TMEM106B: variants seen among roughly 807,000 people sequenced by gnomAD.
TMEM106B encodes the protein transmembrane protein 106B.
In TMEM106B, 15 loss-of-function variants were observed where a neutral mutation model predicts 31.1. That is an observed-to-expected ratio of 0.48 (90% CI 0.32 to 0.74). TMEM106B has a LOEUF of 0.74. Ranked by LOEUF, TMEM106B falls within the 30% of genes least tolerant of loss-of-function variation. TMEM106B has a pLI of 0.03. For missense variants in TMEM106B, 283 were observed against 327.3 expected, an observed-to-expected ratio of 0.86 and a Z score of 1.04; for synonymous variants, 126 against 112.5, an observed-to-expected ratio of 1.12 and a Z score of -0.76.
intron 4 of TMEM106B, among the ~76,000 whole-genome samples, chr7:12,228,482 A>G (rs1450814356): frequency 6.6e-6 from 1 of 151,896 alleles, no homozygotes; most frequent in East Asian, 1.9e-4. Flanking sequence ...TGATGGCTTC[A>G]TAATATTCCA....
At chr7:12,221,299 C>T (rs1393417015) in intron 3 of TMEM106B, among the ~76,000 whole-genome samples, 3 of 152,038 alleles carry the variant, frequency 2.0e-5, no homozygotes, top group Non-Finnish European at 4.4e-5. Flanking sequence ...AGTTGTGTTC[C>T]AAATGGCAAA....
intron 3 of TMEM106B, among the ~76,000 whole-genome samples, chr7:12,223,987 G>C (rs113404588): frequency 6.6e-6 from 1 of 151,994 alleles, no homozygotes; most frequent in Non-Finnish European, 1.5e-5. Flanking sequence ...TCAAAGTGCT[G>C]GGATTACAGG....
chr7:12,216,935 A>G (rs1031379447), intron 2 of TMEM106B, among the ~76,000 whole-genome samples: 2 of 152,172 alleles, frequency 1.3e-5, no homozygotes, highest in African/African-American at 4.8e-5. Flanking sequence ...GAGATGTTAC[A>G]TAGAGAGAAA....
intron 4 of TMEM106B, among the ~76,000 whole-genome samples, chr7:12,226,133 C>A (rs954191148): frequency 2.3e-5 from 2 of 88,736 alleles, no homozygotes; most frequent in African/African-American, 1.4e-4. Context: ...ATAGGGAATC[C>A]TTTCCCCATT....
chr7:12,220,746 T>G (rs533410376), intron 3 of TMEM106B, among the ~76,000 whole-genome samples: 1 of 152,278 alleles, frequency 6.6e-6, no homozygotes, highest in South Asian at 2.1e-4. Context: ...TTTGAAAAAT[T>G]TATTCTCAGG....
Position 12,241,478 on chromosome 7 carries a change from A to G in TMEM106B, c.*9503A>G, listed in dbSNP as rs991444768. The G allele has an allele frequency of 2.0e-5, 3 of 151,526 alleles. No homozygotes were observed. Among genetic ancestry groups the G allele is most frequent in the Middle Eastern group, 3.4e-3 (1 of 292 alleles). 9.4% of individuals were successfully genotyped at this position (151,526 alleles called of 1,614,324 possible). ...CATCTGTTCTCATTGTTCAACTCCC[A>G]CTTATGAGTGGCAACATGTGCTGTT... On this transcript the variant is annotated 3_prime_UTR_variant, in exon 8 of 8. Transcript: ENST00000396668.
In TMEM106B at chr7:12,229,966, C is replaced by T. The variant is rs1781984804; in HGVS notation, c.582+147C>T. 1.6e-5 allele frequency: 15 copies of T among 925,000 alleles called. No homozygotes were observed. In the South Asian group the frequency reaches 2.4e-4, roughly 15 times the overall value. 57.3% of individuals were successfully genotyped at this position (925,000 alleles called of 1,614,324 possible). A position where few individuals can be genotyped will look rare whatever the true frequency, so the allele number is the denominator to read the frequency against. Reference sequence around the variant, plus strand: ...GTACAGTGGCTCATGCCTGTGATCCCCGCACCTTGGGAGGCTGAGCTCAGT... The same window carrying T: ...GTACAGTGGCTCATGCCTGTGATCCTCGCACCTTGGGAGGCTGAGCTCAGT... On this transcript the variant is annotated intron_variant, in intron 5 of 7. Coordinates refer to ENST00000396668, the MANE Select transcript of TMEM106B (RefSeq NM_001134232.2).
Position 12,232,207 on chromosome 7 carries a change from T to C in TMEM106B, c.*232T>C. On this transcript the variant is annotated 3_prime_UTR_variant, in exon 8 of 8. Coordinates refer to ENST00000396668, the MANE Select transcript of TMEM106B (RefSeq NM_001134232.2). ...AATCTAAATTTACTGGTTGATTTCC[T>C]TCTCCAGCCTATCCCCTACAGGGAA... 1 of 320,140 alleles carries C rather than the reference T, an allele frequency of 3.1e-6. No individual in the cohort carries two copies. Among genetic ancestry groups the C allele is most frequent in the Non-Finnish European group, 5.8e-6 (1 of 173,212 alleles). The allele number at this position is 320,140 out of a possible 1,614,324, so 19.8% of individuals were successfully genotyped here.
At chr7:12,226,184 A>T (rs1191806646) in intron 4 of TMEM106B, among the ~76,000 whole-genome samples, 1 of 151,934 alleles carries the variant, frequency 6.6e-6, no homozygotes, top group Non-Finnish European at 1.5e-5. Flanking sequence ...ATGGTTGTAG[A>T]TGTGTGGTAT....
rs563401292 is a variant in TMEM106B at position 12,233,948 on chromosome 7, C to A, written c.*1973C>A. On this transcript the variant is annotated 3_prime_UTR_variant, in exon 8 of 8. Coordinates refer to ENST00000396668, the MANE Select transcript of TMEM106B (RefSeq NM_001134232.2). ...TCTGCTTTCACATTTAGCTAGTGAA[C>A]TACACATTTACTAAAATGTGTAAAT... is the stretch of plus-strand genomic sequence containing the variant. 55 of 151,742 alleles carry A rather than the reference C, an allele frequency of 3.6e-4. No homozygotes were observed. The highest frequency in any genetic ancestry group is 1.3e-3 in the African/African-American group (54 of 41,498). 9.4% of individuals were successfully genotyped at this position (151,742 alleles called of 1,614,324 possible).
chr7:12,237,036 C>T lies in TMEM106B; in HGVS notation c.*5061C>T, dbSNP rs1250474428. On this transcript the variant is annotated 3_prime_UTR_variant, in exon 8 of 8. Transcript: ENST00000396668. ...ATTTACTGTTTATATTATGTAGTAG[C>T]CTCCATCATGACACACTTACTACAT... is the stretch of plus-strand genomic sequence containing the variant. The T allele has an allele frequency of 2.6e-5, 4 of 150,980 alleles. No homozygotes were observed. The highest frequency in any genetic ancestry group is 7.4e-5 in the African/African-American group (3 of 40,464). The allele number at this position is 150,980 out of a possible 1,614,324, so 9.4% of individuals were successfully genotyped here.
At chr7:12,227,099 C>T (rs1001114767) in intron 4 of TMEM106B, among the ~76,000 whole-genome samples, 1 of 152,010 alleles carries the variant, frequency 6.6e-6, no homozygotes, top group African/African-American at 2.4e-5. Context: ...CAGAAATTCT[C>T]ACATTTTGGA....
intron 2 of TMEM106B, among the ~76,000 whole-genome samples, chr7:12,216,201 C>T (rs144540911): frequency 1.2e-4 from 18 of 151,988 alleles, no homozygotes; most frequent in African/African-American, 4.4e-4. Context: ...GCACCAGGCT[C>T]AGGGGGTAGG....
chr7:12,219,925 C>T (rs1221974236), intron 3 of TMEM106B, among the ~76,000 whole-genome samples: 1 of 152,046 alleles, frequency 6.6e-6, no homozygotes, highest in Non-Finnish European at 1.5e-5. Flanking sequence ...ATCAAGAACA[C>T]AGGGACCTGC....
At chr7:12,214,674 A>T (rs1326480606) in intron 1 of TMEM106B, 135 bp from the exon 2 acceptor site, 1 of 833,128 alleles carries the variant, frequency 1.2e-6, no homozygotes, top group Non-Finnish European at 1.8e-6. Context: ...TTGGCTCCGA[A>T]TAAATCCCTT....
In TMEM106B at chr7:12,233,739, T is replaced by C. The variant is rs1309618357; in HGVS notation, c.*1764T>C. The C allele has an allele frequency of 6.6e-6, 1 of 151,610 alleles. No individual in the cohort carries two copies. Among genetic ancestry groups the C allele is most frequent in the Non-Finnish European group, 1.5e-5 (1 of 67,666 alleles). The allele number at this position is 151,610 out of a possible 1,614,324, so 9.4% of individuals were successfully genotyped here. A position where few individuals can be genotyped will look rare whatever the true frequency, so the allele number is the denominator to read the frequency against. ...CGTTTCCTGACTACTACTGCATACT[T>C]CTCTGATACAGGTTCTGTTTGTATT... On this transcript the variant is annotated 3_prime_UTR_variant, in exon 8 of 8. Transcript: ENST00000396668.
At chr7:12,222,199 C>T (rs889674449) in intron 3 of TMEM106B, among the ~76,000 whole-genome samples, 2 of 152,088 alleles carry the variant, frequency 1.3e-5, no homozygotes, top group South Asian at 2.1e-4. Flanking sequence ...TGCAGATATA[C>T]CACACAACTT....
At chr7:12,230,475 TAATG>T (rs751582621) in intron 6 of TMEM106B, 37 bp downstream of exon 6, 6 of 1,310,008 alleles carry the variant, frequency 4.6e-6, no homozygotes, top group Non-Finnish European at 6.5e-6. Context: ...TATTGTCAAA[TAATG>T]AAGTGTATAA....
At chr7:12,212,877 A>G (rs892558323) in intron 1 of TMEM106B, among the ~76,000 whole-genome samples, 17 of 152,198 alleles carry the variant, frequency 1.1e-4, no homozygotes, top group African/African-American at 2.9e-4. Flanking sequence ...AAGAAATACT[A>G]TCTGTCTGAA....
Sources: gnomAD v4.1 joint callset for allele counts (sites outside exome capture counted in the v4.1 genomes callset) on GRCh38, gnomAD v4.1.1 for gene constraint, MANE v1.5 for transcripts, NCBI Gene and HGNC (gene_info 2026-07-23, HGNC 2026-07-21) for gene names.